Variants in SH3KBP1 observed in about 807,000 individuals in gnomAD.
The protein encoded by SH3KBP1 is SH3 domain containing kinase binding protein 1, also known as SH3 domain-containing kinase-binding protein 1.
A neutral mutation model predicts 50.1 loss-of-function variants in SH3KBP1; 8 were observed. That is an observed-to-expected ratio of 0.16 (90% CI 0.09 to 0.29). The LOEUF (loss-of-function observed/expected upper bound fraction) is 0.29, where lower values mean the gene tolerates loss of function less well. Ranked by LOEUF, SH3KBP1 falls within the 10% of genes least tolerant of loss-of-function variation. The probability of loss-of-function intolerance (pLI) is 1.00; values close to 1 mark genes in which losing one functional copy is unlikely to be tolerated. For missense variants in SH3KBP1, 377 were observed against 535.2 expected, an observed-to-expected ratio of 0.70 and a Z score of 2.92; for synonymous variants, 227 against 218.6, an observed-to-expected ratio of 1.04 and a Z score of -0.34.
chrX:19,606,250 A>G (rs2067241026), intron 9 of SH3KBP1, among the ~76,000 whole-genome samples: 2 of 112,106 alleles, frequency 1.8e-5, no homozygotes. Flanking sequence ...AGGCTTAGAG[A>G]CATTCAGTGA....
chrX:19,886,102 T>A (rs971866150), intron 1 of SH3KBP1, among the ~76,000 whole-genome samples: 1 of 111,636 alleles, frequency 9.0e-6, no homozygotes, highest in African/African-American at 3.3e-5. Flanking sequence ...GTGAAAAAAG[T>A]GACATTTAAG....
In SH3KBP1 at chrX:19,593,976, A is replaced by G. The variant is rs144839859; in HGVS notation, c.1057+973T>C. 9.0e-4 allele frequency among the ~76,000 whole-genome samples: 101 copies of G among 112,261 alleles called. 2 individuals carry two copies. The highest frequency in any genetic ancestry group is 9.2e-3 in the Middle Eastern group (2 of 218). On this transcript the variant is annotated intron_variant, in intron 10 of 17. Transcript: ENST00000397821. ...CCCATTTCAGGACTTAATCTCTAAT[A>G]ATTCTCAACTATGCCAAAGGGAATG...
chrX:19,581,853 TAAA>T (rs35059308), intron 12 of SH3KBP1, among the ~76,000 whole-genome samples: 12 of 75,606 alleles, frequency 1.6e-4, no homozygotes, highest in African/African-American at 4.3e-4. Context: ...ACTACAGGTT[TAAA>T]AAAAAAAAAA....
At chrX:19,542,299 C>T in intron 15 of SH3KBP1, 106 bp from the exon 16 acceptor site, 2 of 781,128 alleles carry the variant, frequency 2.6e-6, no homozygotes, top group Non-Finnish European at 3.5e-6. Context: ...CCGCCTCTCT[C>T]CACACACTCC....
intron 2 of SH3KBP1, among the ~76,000 whole-genome samples, chrX:19,813,200 A>T (rs2067259911): frequency 9.1e-6 from 1 of 110,384 alleles, no homozygotes; most frequent in Non-Finnish European, 1.9e-5. Flanking sequence ...GGAAAGAACT[A>T]ACTTGCACCT....
intron 6 of SH3KBP1, 133 bp downstream of exon 6, chrX:19,683,690 C>A: frequency 1.8e-6 from 1 of 554,596 alleles, no homozygotes. Context: ...AAAAAGAAGA[C>A]AGGACAAACA....
At chrX:19,637,919 A>C (rs1035441283) in intron 7 of SH3KBP1, among the ~76,000 whole-genome samples, 3 of 107,757 alleles carry the variant, frequency 2.8e-5, no homozygotes, top group Admixed American at 1.0e-4. Flanking sequence ...TCTACTAAAA[A>C]TACAAAAATT....
intron 2 of SH3KBP1, among the ~76,000 whole-genome samples, chrX:19,773,494 AACACACACACACAC>A (rs749894154): frequency 4.2e-5 from 4 of 94,499 alleles, no homozygotes; most frequent in Non-Finnish European, 2.2e-5. Flanking sequence ...CACACACACA[AACACACACACACAC>A]ACACACACAC....
intron 2 of SH3KBP1, among the ~76,000 whole-genome samples, chrX:19,813,561 C>T: frequency 8.9e-6 from 1 of 111,878 alleles, no homozygotes; most frequent in Non-Finnish European, 1.9e-5. Context: ...TACCGTGCTG[C>T]ACAGCAGGTC....
chrX:19,841,511 T>C (rs896704986), intron 1 of SH3KBP1, among the ~76,000 whole-genome samples: 18 of 112,514 alleles, frequency 1.6e-4, no homozygotes, highest in Non-Finnish European at 3.4e-4. Flanking sequence ...GTTACACACT[T>C]ACTGCTTTTG....
At chrX:19,821,161 C>T (rs774613994) in intron 2 of SH3KBP1, among the ~76,000 whole-genome samples, 2 of 112,058 alleles carry the variant, frequency 1.8e-5, no homozygotes, top group African/African-American at 3.2e-5. Context: ...GAGGCCAAGG[C>T]GGGTGGATTA....
chrX:19,643,300 A>ATTTTTTTTTTTTT (rs201544483), intron 7 of SH3KBP1, among the ~76,000 whole-genome samples: 8 of 86,883 alleles, frequency 9.2e-5, no homozygotes, highest in African/African-American at 3.4e-4. Flanking sequence ...AAACTGAAGA[A>ATTTTTTTTTTTTT]TTTTTTATTT....
At chrX:19,842,678 C>A (rs1026845869) in intron 1 of SH3KBP1, among the ~76,000 whole-genome samples, 1 of 111,759 alleles carries the variant, frequency 8.9e-6, no homozygotes, top group African/African-American at 3.3e-5. Flanking sequence ...GGGGGAACTT[C>A]CCCTCCACCA....
At chrX:19,599,231 G>A (rs1469045425) in intron 9 of SH3KBP1, among the ~76,000 whole-genome samples, 1 of 110,722 alleles carries the variant, frequency 9.0e-6, no homozygotes, top group African/African-American at 3.3e-5. Context: ...AAACCACAGG[G>A]CCCCAAATTT....
intron 1 of SH3KBP1, among the ~76,000 whole-genome samples, chrX:19,849,989 G>A (rs764749167): frequency 2.3e-4 from 26 of 111,715 alleles, no homozygotes; most frequent in Non-Finnish European, 4.1e-4. Context: ...CTGAAAACAT[G>A]CAAATCTTTA....
At chrX:19,726,459 T>C (rs1301579080) in intron 3 of SH3KBP1, among the ~76,000 whole-genome samples, 1 of 111,827 alleles carries the variant, frequency 8.9e-6, no homozygotes, top group Non-Finnish European at 1.9e-5. Flanking sequence ...GGCGTACTGA[T>C]TGCATTAAGG....
At chrX:19,874,245 G>T (rs1603290433) in intron 1 of SH3KBP1, among the ~76,000 whole-genome samples, 1 of 99,112 alleles carries the variant, frequency 1.0e-5, no homozygotes, top group Non-Finnish European at 2.0e-5. Flanking sequence ...TGGGTTTGAA[G>T]GAAGAAATGG....
intron 2 of SH3KBP1, among the ~76,000 whole-genome samples, chrX:19,822,711 T>A (rs2147344276): frequency 8.9e-6 from 1 of 112,227 alleles, no homozygotes; most frequent in Admixed American, 9.5e-5. Context: ...TGACAAGTGA[T>A]TGTTTAAATT....
At chrX:19,731,531 G>A (rs907787973) in intron 3 of SH3KBP1, among the ~76,000 whole-genome samples, 5 of 111,224 alleles carry the variant, frequency 4.5e-5, no homozygotes, top group African/African-American at 1.6e-4. Context: ...CAAGACCTAG[G>A]TTTAGTACTT....
Sources: allele counts gnomAD v4.1 joint callset (sites outside exome capture counted in the v4.1 genomes callset), GRCh38; gene constraint gnomAD v4.1.1; transcripts MANE v1.5; gene names NCBI Gene and HGNC (gene_info 2026-07-23, HGNC 2026-07-21).